The following IL1RAPL1 variants were observed in gnomAD, a reference collection of about 807,000 sequenced individuals.
The protein encoded by IL1RAPL1 is interleukin 1 receptor accessory protein like 1.
In IL1RAPL1, 3 loss-of-function variants were observed where a neutral mutation model predicts 48.4. That is an observed-to-expected ratio of 0.06 (90% CI 0.03 to 0.16). The LOEUF (loss-of-function observed/expected upper bound fraction) is 0.16. Among genes scored for constraint, IL1RAPL1 ranks in the 10% least tolerant of loss-of-function variants. IL1RAPL1 has a pLI of 1.00. For synonymous variants in IL1RAPL1, 185 were observed against 187.7 expected (o/e 0.99, Z 0.12); for missense variants, 349 against 530.6 (o/e 0.66, Z 3.36).
chrX:29,681,131 G>C (rs1926439063), intron 6 of IL1RAPL1, among the ~76,000 whole-genome samples: 2 of 112,170 alleles, frequency 1.8e-5, no homozygotes, highest in South Asian at 7.4e-4. Flanking sequence ...TAAATTTATT[G>C]TTAATACCAT....
intron 5 of IL1RAPL1, among the ~76,000 whole-genome samples, chrX:29,599,824 A>T (rs1317230670): frequency 9.0e-6 from 1 of 111,635 alleles, no homozygotes; most frequent in Non-Finnish European, 1.9e-5. Flanking sequence ...GAGACTTTCC[A>T]GTGCATTTTG....
chrX:28,602,104 CA>C (rs1168499677), intron 1 of IL1RAPL1, among the ~76,000 whole-genome samples: 932 of 38,184 alleles, frequency 0.024, 4 homozygotes, highest in African/African-American at 0.057. Context: ...GACTCCATCT[CA>C]AAAAAAAAAA....
At chrX:29,081,013 TCTCTCTC>T (rs1287024652) in intron 2 of IL1RAPL1, among the ~76,000 whole-genome samples, 1 of 74,913 alleles carries the variant, frequency 1.3e-5, no homozygotes, top group African/African-American at 4.7e-5. Context: ...TCTCTCTCTC[TCTCTCTC>T]TTTCTTTTCT....
intron 3 of IL1RAPL1, among the ~76,000 whole-genome samples, chrX:29,286,084 A>G (rs1237636222): frequency 8.9e-6 from 1 of 112,095 alleles, no homozygotes; most frequent in Admixed American, 9.5e-5. Flanking sequence ...AGCTTTTCAT[A>G]TACAACTAAT....
At position 28,588,205 on chromosome X, in the gene IL1RAPL1, TATGTGTGTGTGTGTGTGTG is replaced by T. The variant is rs1301959962; in HGVS notation, c.-25+159_-25+177del. Among the ~76,000 whole-genome samples the T allele has an allele frequency of 2.6e-3, 248 of 93,596 alleles. 1 individual carries two copies. Among genetic ancestry groups the T allele is most frequent in the African/African-American group, 9.3e-3 (242 of 25,889 alleles). The allele number at this position is 93,596 out of a possible 115,157, so 81.3% of individuals were successfully genotyped here. A position where few individuals can be genotyped will look rare whatever the true frequency, so the allele number is the denominator to read the frequency against. ...GAATAACTGCAGTTGGGTGTGTTGA[TATGTGTGTGTGTGTGTGTG>T]TGTGTGTGTGTGTGTGTGTGTGTAT... is the stretch of plus-strand genomic sequence containing the variant. On this transcript the variant is annotated intron_variant, in intron 1 of 10. Transcript: ENST00000378993.
intron 5 of IL1RAPL1, among the ~76,000 whole-genome samples, chrX:29,487,030 G>C (rs1935104460): frequency 1.0e-5 from 1 of 99,823 alleles, no homozygotes; most frequent in Non-Finnish European, 2.0e-5. Flanking sequence ...CTGATTCGTA[G>C]ACCACACTTT....
At chrX:28,626,696 A>G (rs959076890) in intron 1 of IL1RAPL1, among the ~76,000 whole-genome samples, 3 of 112,471 alleles carry the variant, frequency 2.7e-5, no homozygotes, top group African/African-American at 9.7e-5. Context: ...AAGGGCAGCA[A>G]TCTCTATCTA....
intron 5 of IL1RAPL1, among the ~76,000 whole-genome samples, chrX:29,597,257 G>T (rs1237023580): frequency 9.5e-6 from 1 of 105,461 alleles, no homozygotes; most frequent in Non-Finnish European, 1.9e-5. Context: ...AGGTTCAATC[G>T]ATTCTCCTGC....
intron 2 of IL1RAPL1, among the ~76,000 whole-genome samples, chrX:28,928,939 T>C (rs1475132765): frequency 8.9e-6 from 1 of 112,434 alleles, no homozygotes; most frequent in South Asian, 3.6e-4. Context: ...TACTGTTTTT[T>C]GTTTCAAGTA....
intron 3 of IL1RAPL1, among the ~76,000 whole-genome samples, chrX:29,349,542 T>C (rs1242664604): frequency 9.0e-6 from 1 of 111,604 alleles, no homozygotes; most frequent in African/African-American, 3.3e-5. Flanking sequence ...CTTCTGAAGC[T>C]GTTTTTGAGG....
At chrX:29,080,703 A>G (rs1361085475) in intron 2 of IL1RAPL1, among the ~76,000 whole-genome samples, 1 of 109,885 alleles carries the variant, frequency 9.1e-6, no homozygotes, top group Non-Finnish European at 1.9e-5. Context: ...CACTGAAATG[A>G]TACTCTACTT....
intron 1 of IL1RAPL1, among the ~76,000 whole-genome samples, chrX:28,780,685 C>CT (rs1156398603): frequency 1.8e-5 from 2 of 109,324 alleles, no homozygotes; most frequent in African/African-American, 6.6e-5. Flanking sequence ...AGTGCATGTT[C>CT]TTTTTTTTCA....
intron 2 of IL1RAPL1, among the ~76,000 whole-genome samples, chrX:29,166,589 A>G (rs1458251698): frequency 8.9e-6 from 1 of 112,156 alleles, no homozygotes; most frequent in Non-Finnish European, 1.9e-5. Context: ...GTAAAATTTT[A>G]AATTTTTTGT....
chrX:29,173,924 G>T (rs771462122), intron 2 of IL1RAPL1, among the ~76,000 whole-genome samples: 1 of 109,439 alleles, frequency 9.1e-6, no homozygotes, highest in South Asian at 3.9e-4. Context: ...TCAACAAGAT[G>T]CTTTTTTTTT....
intron 1 of IL1RAPL1, among the ~76,000 whole-genome samples, chrX:28,636,488 C>T (rs1430426809): frequency 9.0e-6 from 1 of 111,558 alleles, no homozygotes; most frequent in Non-Finnish European, 1.9e-5. Context: ...TGTCTTTTTC[C>T]TTAACTAATA....
intron 2 of IL1RAPL1, among the ~76,000 whole-genome samples, chrX:29,122,658 A>G (rs1928819857): frequency 9.0e-6 from 1 of 111,234 alleles, no homozygotes; most frequent in Non-Finnish European, 1.9e-5. Context: ...AAGAAGTAGT[A>G]ATTAATAGCA....
intron 2 of IL1RAPL1, among the ~76,000 whole-genome samples, chrX:28,989,146 A>C (rs1361547444): frequency 3.6e-5 from 4 of 112,338 alleles, no homozygotes; most frequent in Non-Finnish European, 7.5e-5. Context: ...ACTGACTTCA[A>C]TAGCTGAAAG....
At position 28,896,073 on chromosome X, in the gene IL1RAPL1, G is replaced by T. The variant is rs1434839928; in HGVS notation, c.82+106648G>T. Among the ~76,000 whole-genome samples, 4 of 112,167 alleles carry T rather than the reference G, an allele frequency of 3.6e-5. No homozygotes were observed. In the Admixed American group the frequency reaches 3.7e-4, roughly 11 times the overall value. On this transcript the variant is annotated intron_variant, in intron 2 of 10. Coordinates refer to ENST00000378993, the MANE Select transcript of IL1RAPL1 (RefSeq NM_014271.4). ...TTGTAGCAAGCTCCTGGGGGAGGAG[G>T]TTCTGGAGGAACCCCTGGCAGCTGC...
chrX:28,590,086 C>T (rs1045875202), intron 1 of IL1RAPL1, among the ~76,000 whole-genome samples: 1 of 111,575 alleles, frequency 9.0e-6, no homozygotes, highest in Non-Finnish European at 1.9e-5. Flanking sequence ...GTCATTTTCC[C>T]TCATGTTTTA....
Sources: allele counts gnomAD v4.1 joint callset (sites outside exome capture counted in the v4.1 genomes callset), GRCh38; gene constraint gnomAD v4.1.1; transcripts MANE v1.5; gene names NCBI Gene and HGNC (gene_info 2026-07-23, HGNC 2026-07-21).